The following ADARB2 variants were observed in gnomAD, a reference collection of about 807,000 sequenced individuals.
ADARB2 encodes the protein adenosine deaminase RNA specific B2 (inactive), also known as inactive double-stranded RNA-specific editase B2.
A neutral mutation model predicts 62.2 loss-of-function variants in ADARB2; 25 were observed. That is an observed-to-expected ratio of 0.40 (90% CI 0.29 to 0.56). ADARB2 has a LOEUF of 0.56. ADARB2 is among the 20% of genes least tolerant of loss of function. The pLI is 0.43. For synonymous variants in ADARB2, 572 were observed against 500.8 expected (o/e 1.14, Z -1.90); for missense variants, 1,071 against 1,077.4 (o/e 0.99, Z 0.08).
chr10:1,555,198 G>A (rs1832682419), intron 1 of ADARB2, among the ~76,000 whole-genome samples: 1 of 152,160 alleles, frequency 6.6e-6, no homozygotes, highest in African/African-American at 2.4e-5. Flanking sequence ...TTGCCTTTGT[G>A]GTAGGATGAT....
At position 1,363,783 on chromosome 10, in the gene ADARB2, C is replaced by T. The variant is rs759460553; in HGVS notation, c.322G>A (p.Gly108Ser). The change falls in exon 3 of 10, where the codon GGC becomes AGC. Residue 108 changes from glycine (G) to serine (S), a missense_variant. Gly to Ser is a moderately conservative substitution (Grantham distance 56, BLOSUM62 0). Transcript: ENST00000381312. The part of the protein sequence containing the change: ...RKRPLEEGNG[G>S]HLCKLQLVWK... ...ACCAGCTGCAGTTTGCACAAGTGGC[C>T]CCCATTCCCCTCCTCCAGCGGCCGC... 3.1e-6 allele frequency: 5 copies of T among 1,600,594 alleles called. No homozygotes were observed. Among genetic ancestry groups the T allele is most frequent in the Admixed American group, 1.7e-5 (1 of 59,912 alleles).
At chr10:1,249,322 G>T (rs1223751731) in intron 4 of ADARB2, among the ~76,000 whole-genome samples, 1 of 151,942 alleles carries the variant, frequency 6.6e-6, no homozygotes, top group African/African-American at 2.4e-5. Flanking sequence ...TGAGCCTGTA[G>T]TCCCGGGTAC....
intron 1 of ADARB2, among the ~76,000 whole-genome samples, chr10:1,627,609 C>T (rs947112872): frequency 3.9e-5 from 6 of 152,164 alleles, no homozygotes; most frequent in Admixed American, 1.3e-4. Flanking sequence ...TCCTAGATTT[C>T]TAATGGAATT....
At chr10:1,526,864 C>T (rs759231425) in intron 1 of ADARB2, 1 of 510,944 alleles carries the variant, frequency 2.0e-6, no homozygotes, top group South Asian at 1.4e-5. Flanking sequence ...GCAGCCACTT[C>T]GCTGCTTGCC....
At chr10:1,360,020 G>A (rs1832237279) in intron 3 of ADARB2, among the ~76,000 whole-genome samples, 1 of 152,276 alleles carries the variant, frequency 6.6e-6, no homozygotes, top group African/African-American at 2.4e-5. Flanking sequence ...TTGGCGGAGA[G>A]CACTGAGCAG....
chr10:1,279,408 A>G (rs575874937), intron 3 of ADARB2, among the ~76,000 whole-genome samples: 3 of 152,144 alleles, frequency 2.0e-5, no homozygotes, highest in Non-Finnish European at 4.4e-5. Flanking sequence ...CTCAACTTCC[A>G]GGGCCCAAGT....
At chr10:1,394,764 T>C (rs1381940412) in intron 1 of ADARB2, 1 of 446,868 alleles carries the variant, frequency 2.2e-6, no homozygotes, top group East Asian at 7.0e-5. Flanking sequence ...GAGATGAGAC[T>C]TGCATTCTGC....
intron 1 of ADARB2, among the ~76,000 whole-genome samples, chr10:1,532,174 G>A (rs1473107515): frequency 2.0e-5 from 3 of 152,178 alleles, no homozygotes; most frequent in Non-Finnish European, 2.9e-5. Context: ...ACGGTTCTGT[G>A]ATGCTTTCTG....
intron 1 of ADARB2, among the ~76,000 whole-genome samples, chr10:1,670,397 A>T (rs983119121): frequency 6.6e-6 from 1 of 152,224 alleles, no homozygotes; most frequent in Non-Finnish European, 1.5e-5. Flanking sequence ...AGGGCACATT[A>T]TTTCAAAACA....
At chr10:1,225,026 T>A (rs1391026898) in intron 6 of ADARB2, among the ~76,000 whole-genome samples, 3 of 152,134 alleles carry the variant, frequency 2.0e-5, no homozygotes, top group Non-Finnish European at 2.9e-5. Flanking sequence ...TGTTAAAGTC[T>A]CCCATTATTA....
At chr10:1,676,343 T>C (rs1340247740) in intron 1 of ADARB2, among the ~76,000 whole-genome samples, 1 of 152,150 alleles carries the variant, frequency 6.6e-6, no homozygotes, top group African/African-American at 2.4e-5. Context: ...AAGGCTTCCT[T>C]AGATAGTCCT....
intron 8 of ADARB2, among the ~76,000 whole-genome samples, chr10:1,194,557 CATCTATCTA>C (rs1476485125): frequency 6.6e-6 from 1 of 152,206 alleles, no homozygotes; most frequent in Non-Finnish European, 1.5e-5. Context: ...GTCAGTCTAT[CATCTATCTA>C]TTCATCCATC....
intron 3 of ADARB2, among the ~76,000 whole-genome samples, chr10:1,339,427 A>C (rs766086567): frequency 6.6e-6 from 1 of 152,180 alleles, no homozygotes; most frequent in Non-Finnish European, 1.5e-5. Context: ...CATTCATGTA[A>C]TAGGTTGTGA....
At chr10:1,281,617 C>T (rs1041187066) in intron 3 of ADARB2, among the ~76,000 whole-genome samples, 1 of 152,208 alleles carries the variant, frequency 6.6e-6, no homozygotes, top group African/African-American at 2.4e-5. Flanking sequence ...AGGAGCAGCA[C>T]CGAGGGGTGC....
intron 1 of ADARB2, among the ~76,000 whole-genome samples, chr10:1,423,437 G>C (rs1011457784): frequency 6.6e-6 from 1 of 152,232 alleles, no homozygotes; most frequent in Admixed American, 6.5e-5. Context: ...GCCCAGCACT[G>C]CTTGGTCCTG....
intron 1 of ADARB2, among the ~76,000 whole-genome samples, chr10:1,622,230 T>A (rs1012386734): frequency 6.6e-6 from 1 of 152,194 alleles, no homozygotes; most frequent in African/African-American, 2.4e-5. Context: ...CTAGCTAAAA[T>A]TTTAAAACTC....
At chr10:1,723,116 A>G (rs893430975) in intron 1 of ADARB2, among the ~76,000 whole-genome samples, 2 of 152,212 alleles carry the variant, frequency 1.3e-5, no homozygotes, top group Non-Finnish European at 2.9e-5. Flanking sequence ...ACGGGAGCGC[A>G]TGCCCCTTCT....
In ADARB2 at chr10:1,179,946, A is replaced by G. The variant is rs1836645614; in HGVS notation, c.*3247T>C. ...CCCATCCCCTACTTGTGTCGTGCCC[A>G]GCGTATTTTCAGGGTGACAGAAAGT... On this transcript the variant is annotated 3_prime_UTR_variant, in exon 10 of 10. Transcript: ENST00000381312. 6.9e-6 allele frequency: 1 copy of G among 143,978 alleles called. No homozygotes were observed. The highest frequency in any genetic ancestry group is 1.5e-5 in the Non-Finnish European group (1 of 67,886). 8.9% of individuals were successfully genotyped at this position (143,978 alleles called of 1,614,324 possible).
At chr10:1,469,883 G>T (rs756315805) in intron 1 of ADARB2, among the ~76,000 whole-genome samples, 4 of 152,162 alleles carry the variant, frequency 2.6e-5, no homozygotes, top group Non-Finnish European at 4.4e-5. Context: ...CAACCAGATG[G>T]AAAAAACAAT....
Sources: allele counts gnomAD v4.1 joint callset (sites outside exome capture counted in the v4.1 genomes callset), GRCh38; gene constraint gnomAD v4.1.1; transcripts MANE v1.5; gene names NCBI Gene and HGNC (gene_info 2026-07-23, HGNC 2026-07-21).